The following DAP variants were observed in gnomAD, a reference collection of about 807,000 sequenced individuals.
The protein encoded by DAP is death-associated protein 1.
In DAP, 8 loss-of-function variants were observed where a neutral mutation model predicts 13.8. That is an observed-to-expected ratio of 0.58 (90% CI 0.34 to 1.05). The LOEUF (loss-of-function observed/expected upper bound fraction) is 1.05. Among genes scored for constraint, DAP ranks in the 50% least tolerant of loss-of-function variants. The probability of loss-of-function intolerance (pLI) is 0.03; values close to 1 mark genes in which losing one functional copy is unlikely to be tolerated. For missense variants in DAP, 106 were observed against 133.2 expected, an observed-to-expected ratio of 0.80 and a Z score of 1.01; for synonymous variants, 47 against 47.5, an observed-to-expected ratio of 0.99 and a Z score of 0.04.
intron 2 of DAP, among the ~76,000 whole-genome samples, chr5:10,703,126 C>A (rs1738621735): frequency 6.6e-6 from 1 of 152,206 alleles, no homozygotes; most frequent in Non-Finnish European, 1.5e-5. Context: ...TATCACCAAG[C>A]ACCTAGGAGC....
chr5:10,713,712 T>C (rs530087981), intron 2 of DAP, among the ~76,000 whole-genome samples: 2 of 152,264 alleles, frequency 1.3e-5, no homozygotes, highest in African/African-American at 4.8e-5. Context: ...GAGCCGTCCC[T>C]CCAGCCAGCA....
At chr5:10,729,333 A>G (rs1372768561) in intron 2 of DAP, among the ~76,000 whole-genome samples, 1 of 152,220 alleles carries the variant, frequency 6.6e-6, no homozygotes. Flanking sequence ...CACCCATATC[A>G]GAACATGTGT....
At chr5:10,700,976 T>C (rs543599438) in intron 2 of DAP, among the ~76,000 whole-genome samples, 3 of 152,362 alleles carry the variant, frequency 2.0e-5, no homozygotes, top group Non-Finnish European at 4.4e-5. Flanking sequence ...CTGCTCTGAA[T>C]AGACGGGTGT....
intron 2 of DAP, among the ~76,000 whole-genome samples, chr5:10,687,723 T>C (rs185833887): frequency 1.8e-4 from 27 of 152,264 alleles, no homozygotes; most frequent in African/African-American, 5.3e-4. Flanking sequence ...ACAAAGGATA[T>C]AGAATATTAT....
At chr5:10,758,351 G>T (rs1204328303) in intron 1 of DAP, among the ~76,000 whole-genome samples, 5 of 142,036 alleles carry the variant, frequency 3.5e-5, no homozygotes, top group African/African-American at 1.3e-4. Context: ...CATTTGAGGG[G>T]TGCTGTTGGC....
At chr5:10,749,008 T>C (rs970747496) in intron 1 of DAP, among the ~76,000 whole-genome samples, 1 of 152,194 alleles carries the variant, frequency 6.6e-6, no homozygotes, top group Non-Finnish European at 1.5e-5. Context: ...TCCCAGCTCC[T>C]GGAAGCCAGT....
In DAP at chr5:10,749,223, C is replaced by T. The variant is rs190271435; in HGVS notation, c.56-952G>A. On this transcript the variant is annotated intron_variant, in intron 1 of 3. Coordinates refer to ENST00000230895, the MANE Select transcript of DAP (RefSeq NM_004394.3). Reference sequence around the variant, plus strand: ...TCTCCACTCATCAATTAGACATTTGCGTTGTTTCTACTTTTTTGGCTATTA... The same window carrying T: ...TCTCCACTCATCAATTAGACATTTGTGTTGTTTCTACTTTTTTGGCTATTA... Among the ~76,000 whole-genome samples, 51 of 152,292 alleles carry T rather than the reference C, an allele frequency of 3.3e-4. 1 individual carries two copies. The highest frequency in any genetic ancestry group is 2.8e-3 in the Admixed American group (43 of 15,306).
At position 10,754,288 on chromosome 5, in the gene DAP, CAG is replaced by C. The variant is rs1358794351; in HGVS notation, c.56-6019_56-6018del. ...AAGACCCCAATGAGAACCTTGCCCC[CAG>C]ACCAAGTGGAGCCCTTACAGGAGCT... On this transcript the variant is annotated intron_variant, in intron 1 of 3. Coordinates refer to ENST00000230895, the MANE Select transcript of DAP (RefSeq NM_004394.3). Among the ~76,000 whole-genome samples the C allele has an allele frequency of 2.0e-5, 3 of 152,062 alleles. No individual in the cohort carries two copies. The East Asian group carries it at 5.8e-4, about 29-fold the overall frequency.
At chr5:10,754,531 C>T (rs1459201767) in intron 1 of DAP, among the ~76,000 whole-genome samples, 1 of 152,204 alleles carries the variant, frequency 6.6e-6, no homozygotes, top group African/African-American at 2.4e-5. Flanking sequence ...CTGGGCCAAA[C>T]ACTCCATCTT....
rs114429965 is a variant in DAP, at chr5:10,733,358, A to G, written c.152+14817T>C. Among the ~76,000 whole-genome samples, 687 of 152,294 alleles carry G rather than the reference A, an allele frequency of 4.5e-3. 4 individuals carry two copies. Among genetic ancestry groups the G allele is most frequent in the African/African-American group, 0.015 (631 of 41,544 alleles). Reference sequence around the variant, plus strand: ...TTTCAATTCTTTTGGGTATATGCCCAGAAGAGGACGAGGGCTAATTTTTAA... The same window carrying G: ...TTTCAATTCTTTTGGGTATATGCCCGGAAGAGGACGAGGGCTAATTTTTAA... On this transcript the variant is annotated intron_variant, in intron 2 of 3. Transcript: ENST00000230895.
At position 10,680,657 on chromosome 5, in the gene DAP, TAA is replaced by T; in HGVS notation, c.*397_*398del. 7.4e-7 allele frequency: 1 copy of T among 1,350,296 alleles called. No homozygotes were observed. Among genetic ancestry groups the T allele is most frequent in the Non-Finnish European group, 1.0e-6 (1 of 994,504 alleles). The allele number at this position is 1,350,296 out of a possible 1,614,324, so 83.6% of individuals were successfully genotyped here. Reference sequence around the variant, plus strand: ...GTGTTGAGATTTTATTGGCCCATACTAAAAAGCATGCAATGACTGAGGTTTTC... The same window carrying T: ...GTGTTGAGATTTTATTGGCCCATACTAAAGCATGCAATGACTGAGGTTTTC... On this transcript the variant is annotated 3_prime_UTR_variant, in exon 4 of 4. Coordinates refer to ENST00000230895, the MANE Select transcript of DAP (RefSeq NM_004394.3).
intron 2 of DAP, among the ~76,000 whole-genome samples, chr5:10,706,044 G>C (rs970271718): frequency 3.3e-5 from 5 of 152,338 alleles, no homozygotes; most frequent in Admixed American, 3.3e-4. Context: ...GCTCACATCG[G>C]CATTTGCATC....
At chr5:10,731,309 C>G (rs565238516) in intron 2 of DAP, among the ~76,000 whole-genome samples, 1 of 151,786 alleles carries the variant, frequency 6.6e-6, no homozygotes, top group African/African-American at 2.4e-5. Context: ...GAGAATCTTT[C>G]TCTACTGAGA....
intron 1 of DAP, among the ~76,000 whole-genome samples, chr5:10,753,623 G>T (rs1740101124): frequency 6.6e-6 from 1 of 152,214 alleles, no homozygotes; most frequent in Non-Finnish European, 1.5e-5. Context: ...GTCACTGGTG[G>T]CTTGCTATCT....
chr5:10,684,031 C>T (rs757777489), intron 2 of DAP, among the ~76,000 whole-genome samples: 1 of 152,122 alleles, frequency 6.6e-6, no homozygotes, highest in Non-Finnish European at 1.5e-5. Flanking sequence ...GCTATGTTGC[C>T]CAGGCTAGTC....
At chr5:10,702,360 C>T (rs1738600121) in intron 2 of DAP, among the ~76,000 whole-genome samples, 1 of 151,894 alleles carries the variant, frequency 6.6e-6, no homozygotes, top group East Asian at 1.9e-4. Flanking sequence ...CCCTGCCCGC[C>T]TCAAAGGCTT....
chr5:10,743,239 A>G (rs1345329682), intron 2 of DAP, among the ~76,000 whole-genome samples: 1 of 152,188 alleles, frequency 6.6e-6, no homozygotes, highest in African/African-American at 2.4e-5. Context: ...TCCAAAGTTA[A>G]TTAGGTAACT....
chr5:10,742,695 G>A (rs1231123623), intron 2 of DAP, among the ~76,000 whole-genome samples: 1 of 152,058 alleles, frequency 6.6e-6, no homozygotes, highest in Non-Finnish European at 1.5e-5. Flanking sequence ...GGCTCATCTA[G>A]TATTTTTCCT....
intron 1 of DAP, 22 bp downstream of exon 1, chr5:10,760,992 G>A: frequency 7.3e-6 from 9 of 1,225,708 alleles, no homozygotes; most frequent in Non-Finnish European, 9.3e-6. Context: ...CGCGCGTGGA[G>A]AGAGAGGAAA....
Sources: allele counts gnomAD v4.1 joint callset (sites outside exome capture counted in the v4.1 genomes callset), GRCh38; gene constraint gnomAD v4.1.1; transcripts MANE v1.5; gene names NCBI Gene and HGNC (gene_info 2026-07-23, HGNC 2026-07-21).